The following EYS variants were observed in gnomAD, a reference collection of about 807,000 sequenced individuals.
EYS encodes the protein EGF-like photoreceptor maintenance factor.
A neutral mutation model predicts 282.1 loss-of-function variants in EYS; 250 were observed. The observed-to-expected ratio is 0.89, with a 90% CI of 0.80 to 0.98. The LOEUF is 0.98. EYS is among the 50% of genes least tolerant of loss of function. EYS has a pLI of 0.00. For missense variants in EYS, 4,016 were observed against 3,709.0 expected (o/e 1.08, Z -2.15); for synonymous variants, 1,355 against 1,282.9 (o/e 1.06, Z -1.20).
intron 31 of EYS, among the ~76,000 whole-genome samples, chr6:64,173,523 C>G (rs1024391525): frequency 6.6e-6 from 1 of 152,102 alleles, no homozygotes; most frequent in Non-Finnish European, 1.5e-5. Flanking sequence ...CTCCCTCTAT[C>G]CGCTTCCCAT....
chr6:64,635,457 G>C (rs974156872), intron 22 of EYS, among the ~76,000 whole-genome samples: 138 of 152,094 alleles, frequency 9.1e-4, no homozygotes, highest in African/African-American at 3.2e-3. Context: ...CTGGCTGTGG[G>C]TTTGTCATAG....
intron 36 of EYS, among the ~76,000 whole-genome samples, chr6:63,832,254 T>C (rs1771662156): frequency 6.6e-6 from 1 of 152,176 alleles, no homozygotes; most frequent in South Asian, 2.1e-4. Context: ...CAAAAAACCC[T>C]TCAAAAAATC....
intron 30 of EYS, among the ~76,000 whole-genome samples, chr6:64,274,488 T>TTTTTTGTTTGTTTG (rs1768046645): frequency 6.7e-6 from 1 of 148,208 alleles, no homozygotes; most frequent in African/African-American, 2.5e-5. Flanking sequence ...GCCGTTTTTT[T>TTTTTTGTTTGTTTG]TTTTTTTTTT....
At chr6:65,244,592 A>G (rs1268922411) in intron 12 of EYS, among the ~76,000 whole-genome samples, 2 of 152,076 alleles carry the variant, frequency 1.3e-5, no homozygotes, top group South Asian at 2.1e-4. Flanking sequence ...TGCTGACTGC[A>G]AGCTCTGCCT....
intron 15 of EYS, among the ~76,000 whole-genome samples, chr6:64,937,261 T>C (rs1583310332): frequency 6.6e-6 from 1 of 151,632 alleles, no homozygotes; most frequent in East Asian, 1.9e-4. Context: ...TTAGCTATGA[T>C]ATGAAAAGCA....
chr6:64,289,743 C>G (rs1768633004), intron 30 of EYS, among the ~76,000 whole-genome samples: 1 of 151,980 alleles, frequency 6.6e-6, no homozygotes, highest in South Asian at 2.1e-4. Context: ...TATATATTTA[C>G]TGTGAATAAA....
intron 31 of EYS, among the ~76,000 whole-genome samples, chr6:64,191,688 A>G (rs998972849): frequency 2.0e-5 from 3 of 152,080 alleles, no homozygotes; most frequent in Admixed American, 6.6e-5. Context: ...ATAATATTCC[A>G]TGGTGTATAT....
rs143387991 is a variant in EYS, at chr6:64,494,130, C to A, written c.5645-54778G>T. On this transcript the variant is annotated intron_variant, in intron 26 of 42. Coordinates refer to ENST00000503581, the MANE Select transcript of EYS (RefSeq NM_001142800.2). The stretch of plus-strand genomic sequence containing the variant: ...CCTGCATTATATGTGTAAAATTCAA[C>A]TTCTGAACTGAATATATTTCTGTCC... Among the ~76,000 whole-genome samples, 8 of 151,726 alleles carry A rather than the reference C, an allele frequency of 5.3e-5. No homozygotes were observed. In the South Asian group the frequency reaches 1.2e-3, roughly 24 times the overall value.
intron 41 of EYS, among the ~76,000 whole-genome samples, chr6:63,748,709 T>A (rs1769269464): frequency 6.6e-6 from 1 of 152,150 alleles, no homozygotes; most frequent in South Asian, 2.1e-4. Context: ...TCTGGTTCAG[T>A]CTTGGGTGGG....
intron 26 of EYS, among the ~76,000 whole-genome samples, chr6:64,485,294 A>G (rs1776548654): frequency 6.6e-6 from 1 of 151,612 alleles, no homozygotes; most frequent in Non-Finnish European, 1.5e-5. Context: ...CCATGACAGA[A>G]GATTGGGTTT....
intron 22 of EYS, among the ~76,000 whole-genome samples, chr6:64,757,744 TTGTGTG>T (rs66825340): frequency 0.2 from 27,483 of 139,664 alleles, 2,946 homozygotes; most frequent in Non-Finnish European, 0.26. Flanking sequence ...CTTTTTTTCT[TTGTGTG>T]TGTGTGTGTG....
chr6:64,955,364 A>G (rs778192583), intron 14 of EYS, among the ~76,000 whole-genome samples: 2 of 152,160 alleles, frequency 1.3e-5, no homozygotes, highest in Non-Finnish European at 2.9e-5. Context: ...ATATTCATGG[A>G]TTAGAAGAAT....
At chr6:65,280,140 C>T (rs1253928308) in intron 12 of EYS, among the ~76,000 whole-genome samples, 2 of 152,124 alleles carry the variant, frequency 1.3e-5, no homozygotes, top group Admixed American at 6.5e-5. Context: ...ACTTAACTGA[C>T]TTCCCCTACC....
intron 31 of EYS, among the ~76,000 whole-genome samples, chr6:64,123,692 A>C (rs949481715): frequency 1.1e-4 from 16 of 152,354 alleles, no homozygotes; most frequent in African/African-American, 3.8e-4. Context: ...AGGGAAATAT[A>C]CTGGGAAACA....
intron 30 of EYS, among the ~76,000 whole-genome samples, chr6:64,296,459 T>G (rs72882159): frequency 0.044 from 6,601 of 151,000 alleles, 224 homozygotes; most frequent in Middle Eastern, 0.065. Flanking sequence ...TATCATTTTA[T>G]AAGAATTAAT....
chr6:65,457,424 C>T (rs1004225237), intron 5 of EYS, among the ~76,000 whole-genome samples: 2 of 152,068 alleles, frequency 1.3e-5, no homozygotes, highest in African/African-American at 4.8e-5. Context: ...CTCAGCCTTC[C>T]TAAGTGCTAG....
At chr6:65,358,679 C>T (rs1173577216) in intron 8 of EYS, among the ~76,000 whole-genome samples, 1 of 149,530 alleles carries the variant, frequency 6.7e-6, no homozygotes. Flanking sequence ...AAAAACCCAA[C>T]TTAACATGCT....
chr6:64,504,921 A>C (rs1432184104), intron 26 of EYS, among the ~76,000 whole-genome samples: 1 of 152,190 alleles, frequency 6.6e-6, no homozygotes, highest in African/African-American at 2.4e-5. Context: ...GGAAGGGTCC[A>C]TAATGAACTT....
intron 19 of EYS, among the ~76,000 whole-genome samples, chr6:64,827,106 A>T (rs1181327998): frequency 6.6e-6 from 1 of 151,856 alleles, no homozygotes; most frequent in Non-Finnish European, 1.5e-5. Flanking sequence ...TATTTTTAAA[A>T]ATCTCTCTAG....
Sources: gnomAD v4.1 joint callset for allele counts (sites outside exome capture counted in the v4.1 genomes callset) on GRCh38, gnomAD v4.1.1 for gene constraint, MANE v1.5 for transcripts, NCBI Gene and HGNC (gene_info 2026-07-23, HGNC 2026-07-21) for gene names.